The following FAM53C variants were observed in gnomAD, a reference collection of about 807,000 sequenced individuals.
FAM53C encodes the protein protein FAM53C.
A neutral mutation model predicts 34.7 loss-of-function variants in FAM53C; 10 were observed. The observed-to-expected ratio is 0.29, with a 90% CI of 0.18 to 0.49. FAM53C has a LOEUF of 0.49. Among genes scored for constraint, FAM53C ranks in the 20% least tolerant of loss-of-function variants. FAM53C has a pLI of 0.99. For missense variants in FAM53C, 442 were observed against 515.3 expected, an observed-to-expected ratio of 0.86 and a Z score of 1.38; for synonymous variants, 203 against 203.6, an observed-to-expected ratio of 1.00 and a Z score of 0.03.
chr5:138,347,170 C>G lies in FAM53C; in HGVS notation c.*211C>G. On this transcript the variant is annotated 3_prime_UTR_variant, in exon 5 of 5. Transcript: ENST00000239906. The stretch of plus-strand genomic sequence containing the variant: ...TAAACGGAGCTGGTGGCGGGAGGGA[C>G]AGCCCCAGAGCAGACCCTTCCTATG... 1.5e-6 allele frequency: 1 copy of G among 675,552 alleles called. No individual in the cohort carries two copies. Among genetic ancestry groups the G allele is most frequent in the Non-Finnish European group, 2.5e-6 (1 of 407,998 alleles). 41.8% of individuals were successfully genotyped at this position (675,552 alleles called of 1,614,324 possible).
chr5:138,343,033 A>C (rs1028941088), intron 3 of FAM53C: 23 of 151,970 alleles, frequency 1.5e-4, no homozygotes, highest in African/African-American at 5.3e-4. Flanking sequence ...CAAAAAAAAA[A>C]AAAACAAAAA....
chr5:138,341,595 G>A (rs982039721), intron 2 of FAM53C, 182 bp downstream of exon 2: 23 of 743,642 alleles, frequency 3.1e-5, no homozygotes, highest in Non-Finnish European at 4.6e-5. Flanking sequence ...CACCGATAGA[G>A]AAGGGACAGC....
At chr5:138,341,519 C>T in intron 2 of FAM53C, 106 bp downstream of exon 2, 1 of 1,119,722 alleles carries the variant, frequency 8.9e-7, no homozygotes. Context: ...AATCATGGTA[C>T]TTAACCTGGA....
At chr5:138,337,801 G>C (rs1342193016), upstream of FAM53C, 2 of 432,210 alleles carry the variant, frequency 4.6e-6, no homozygotes, top group East Asian at 1.5e-4. Context: ...TTTGCTGGGG[G>C]AAGGGGGATT....
intron 1 of FAM53C, among the ~76,000 whole-genome samples, chr5:138,339,295 T>G (rs1385409264): frequency 2.0e-5 from 3 of 152,196 alleles, no homozygotes; most frequent in Non-Finnish European, 4.4e-5. Flanking sequence ...TTTGCCTTCT[T>G]TTGTGTCCTG....
rs1761141399 is a variant in FAM53C, at chr5:138,345,368, C to T, written c.680C>T (p.Pro227Leu). 3 of 1,614,178 alleles carry T rather than the reference C, an allele frequency of 1.9e-6. No homozygotes were observed. The highest frequency in any genetic ancestry group is 2.5e-6 in the Non-Finnish European group (3 of 1,180,038). Residue 227 changes from proline to leucine, a missense_variant, in exon 4 of 5, where the codon CCT becomes CTT. Pro to Leu is a moderately conservative substitution (Grantham distance 98, BLOSUM62 -3). Transcript: ENST00000239906. This position sits in a 1 kb window ranked among gnomAD's most constrained non-coding sequence, Gnocchi z 6.3. ...SDAESLSPCPPQRRFSLSPSL... is the reference protein window; with the variant it reads ...SDAESLSPCPLQRRFSLSPSL... Reference sequence around the variant, plus strand: ...GCTGAGTCCTTGTCACCTTGCCCACCTCAGCGCCGCTTCTCCCTGTCACCC... The same window carrying T: ...GCTGAGTCCTTGTCACCTTGCCCACTTCAGCGCCGCTTCTCCCTGTCACCC...
chr5:138,347,334 G>C lies in FAM53C; in HGVS notation c.*375G>C. 3.4e-6 allele frequency: 1 copy of C among 296,538 alleles called. No individual in the cohort carries two copies. The highest frequency in any genetic ancestry group is 1.2e-3 in the Middle Eastern group (1 of 860). The allele number at this position is 296,538 out of a possible 1,614,324, so 18.4% of individuals were successfully genotyped here. On this transcript the variant is annotated 3_prime_UTR_variant, in exon 5 of 5. Transcript: ENST00000239906. ...TGTGTCTTAGAATTTGGCCAGGGTG[G>C]GGGGTTGAGTCAGCCTCCTCAGAGA...
intron 3 of FAM53C, chr5:138,343,066 T>C (rs1379912543): frequency 2.0e-5 from 3 of 151,524 alleles, no homozygotes; most frequent in African/African-American, 7.3e-5. Flanking sequence ...TTAATATAGC[T>C]AGGAGATCTT....
intron 3 of FAM53C, among the ~76,000 whole-genome samples, chr5:138,343,459 G>A (rs1230954378): frequency 1.3e-5 from 2 of 150,338 alleles, no homozygotes; most frequent in African/African-American, 2.5e-5. Flanking sequence ...GCAGTGAGCC[G>A]AGATCGCACC....
Position 138,345,437 on chromosome 5 carries a change from G to A in FAM53C, c.749G>A (p.Ser250Asn), listed in dbSNP as rs1158454508. 6.2e-7 allele frequency: 1 copy of A among 1,613,900 alleles called. No homozygotes were observed. Among genetic ancestry groups the A allele is most frequent in the South Asian group, 1.1e-5 (1 of 91,082 alleles). Reference sequence around the variant, plus strand: ...AGCCGCTTCTTGCCCTCTGCCCGGAGCTCTCCCGCATCCTCCCCAGAGCTG... The same window carrying A: ...AGCCGCTTCTTGCCCTCTGCCCGGAACTCTCCCGCATCCTCCCCAGAGCTG... ...QASRFLPSAR[S>N]SPASSPELPW... The change falls in exon 4 of 5, where the codon AGC becomes AAC. Residue 250 changes from serine (S) to asparagine (N), a missense_variant. Ser to Asn is a conservative substitution (Grantham distance 46). Transcript: ENST00000239906. This position sits in a 1 kb window ranked among gnomAD's most constrained non-coding sequence, Gnocchi z 6.3.
At chr5:138,339,651 A>G (rs1005960218) in intron 1 of FAM53C, among the ~76,000 whole-genome samples, 1 of 152,188 alleles carries the variant, frequency 6.6e-6, no homozygotes, top group Non-Finnish European at 1.5e-5. Flanking sequence ...CAGCAGAGTT[A>G]AGAAACCAAG....
At chr5:138,338,223 C>T (rs1292221549), upstream of FAM53C, 4 of 1,259,172 alleles carry the variant, frequency 3.2e-6, no homozygotes, top group Admixed American at 2.3e-5. Flanking sequence ...CGTTGGTTCG[C>T]GCCAGCGCCT....
upstream of FAM53C, chr5:138,338,258 G>T (rs1429658209): frequency 7.7e-6 from 8 of 1,034,586 alleles, no homozygotes; most frequent in East Asian, 6.0e-5. Flanking sequence ...GGGGCGAACC[G>T]AGCGCTCAGA....
rs1465639433 is a variant in FAM53C, at chr5:138,347,717, G to C, written c.*758G>C. 6.6e-6 allele frequency: 1 copy of C among 152,440 alleles called. No homozygotes were observed. Among genetic ancestry groups the C allele is most frequent in the Admixed American group, 6.6e-5 (1 of 15,260 alleles). The allele number at this position is 152,440 out of a possible 1,614,324, so 9.4% of individuals were successfully genotyped here. A position where few individuals can be genotyped will look rare whatever the true frequency, so the allele number is the denominator to read the frequency against. ...ATCTAGTATATTGGGGAATGCAGGT[G>C]GGGGGTGTCACCATATTTTTTCTGA... On this transcript the variant is annotated 3_prime_UTR_variant, in exon 5 of 5. Coordinates refer to ENST00000239906, the MANE Select transcript of FAM53C (RefSeq NM_016605.3).
chr5:138,341,631 G>A, intron 2 of FAM53C, 178 bp from the exon 3 acceptor site: 2 of 724,296 alleles, frequency 2.8e-6, no homozygotes, highest in Non-Finnish European at 4.8e-6. Context: ...AAGGGTTTGA[G>A]ATGTTGGAAG....
At position 138,345,254 on chromosome 5, in the gene FAM53C, A is replaced by G. The variant is rs769978660; in HGVS notation, c.566A>G (p.Tyr189Cys). The stretch of plus-strand genomic sequence containing the variant: ...CAATGTGCCCCAGCTCACAGACCCT[A>G]CAGCCCTCCTTTCTTCAGCCTGGCC... ...SSQCAPAHRPYSPPFFSLALA... is the reference protein window; with the variant it reads ...SSQCAPAHRPCSPPFFSLALA... Residue 189 changes from tyrosine (Y) to cysteine (C), a missense_variant, in exon 4 of 5, where the codon TAC becomes TGC. Coordinates refer to ENST00000239906, the MANE Select transcript of FAM53C (RefSeq NM_016605.3). This position sits in a 1 kb window ranked among gnomAD's most constrained non-coding sequence, Gnocchi z 6.3. The G allele has an allele frequency of 3.7e-6, 6 of 1,614,022 alleles. No individual in the cohort carries two copies. In the East Asian group the frequency reaches 6.7e-5, roughly 18 times the overall value.
Position 138,346,730 on chromosome 5 carries a change from A to C in FAM53C, c.950A>C (p.Gln317Pro), listed in dbSNP as rs1649280877. Residue 317 changes from glutamine to proline, a missense_variant, in exon 5 of 5, where the codon CAA (glutamine) becomes CCA (proline). Gln to Pro is a moderately conservative substitution (Grantham distance 76). Coordinates refer to ENST00000239906, the MANE Select transcript of FAM53C (RefSeq NM_016605.3). ...QKPYSGGLCL[Q>P]ETAREGSSIS... is the part of the protein sequence containing the mutation. Reference sequence around the variant, plus strand: ...CCATACTCAGGAGGTCTTTGTCTCCAAGAAACAGCCCGGGAAGGCAGCAGC... The same window carrying C: ...CCATACTCAGGAGGTCTTTGTCTCCCAGAAACAGCCCGGGAAGGCAGCAGC... 1 of 1,614,194 alleles carries C rather than the reference A, an allele frequency of 6.2e-7. No homozygotes were observed. The highest frequency in any genetic ancestry group is 1.7e-5 in the Admixed American group (1 of 60,032).
At chr5:138,337,948 T>C, upstream of FAM53C, 1 of 1,288,622 alleles carries the variant, frequency 7.8e-7, no homozygotes, top group Non-Finnish European at 1.0e-6. Flanking sequence ...GGCGATGCCT[T>C]TGTTTACCTT....
rs1020164754 is a variant in FAM53C at position 138,348,746 on chromosome 5, G to C, written c.*1787G>C. On this transcript the variant is annotated 3_prime_UTR_variant, in exon 5 of 5. Transcript: ENST00000239906. ...TACCACTAGGCTACCAGGTCTCTAG[G>C]GGCCTGAGAGAGGCCCTCTAGAGAA... 1 of 152,158 alleles carries C rather than the reference G, an allele frequency of 6.6e-6. No homozygotes were observed. The highest frequency in any genetic ancestry group is 2.4e-5 in the African/African-American group (1 of 41,422). 9.4% of individuals were successfully genotyped at this position (152,158 alleles called of 1,614,324 possible).
Sources: gnomAD v4.1 joint callset for allele counts (sites outside exome capture counted in the v4.1 genomes callset) on GRCh38, gnomAD v4.1.1 for gene constraint, Gnocchi (gnomAD v3.1) non-coding constraint, MANE v1.5 for transcripts, NCBI Gene and HGNC (gene_info 2026-07-23, HGNC 2026-07-21) for gene names.